The following CRACR2A variants were observed in gnomAD, a reference collection of about 807,000 sequenced individuals.
The protein encoded by CRACR2A is EF-hand calcium-binding domain-containing protein 4B.
In CRACR2A, 79 loss-of-function variants were observed where a neutral mutation model predicts 90.5. That is an observed-to-expected ratio of 0.87 (90% confidence interval 0.73 to 1.05). CRACR2A has a LOEUF of 1.05. Ranked by LOEUF, CRACR2A falls within the 50% of genes least tolerant of loss-of-function variation. The probability of loss-of-function intolerance (pLI) is 0.00; values close to 1 mark genes in which losing one functional copy is unlikely to be tolerated. For missense variants in CRACR2A, 823 were observed against 897.2 expected (o/e 0.92, Z 1.06); for synonymous variants, 338 against 356.7 (o/e 0.95, Z 0.59).
intron 1 of CRACR2A, among the ~76,000 whole-genome samples, chr12:3,747,683 C>A (rs748179946): frequency 6.6e-6 from 1 of 152,192 alleles, no homozygotes. Context: ...TCCCACGTCC[C>A]CTGGTGCTGC....
intron 4 of CRACR2A, among the ~76,000 whole-genome samples, chr12:3,687,372 T>A (rs1945577275): frequency 1.3e-5 from 2 of 152,108 alleles, no homozygotes; most frequent in Admixed American, 6.5e-5. Context: ...CCAGCCCCAG[T>A]GTGTGTTGTC....
At chr12:3,733,985 T>TTTTTTTTTTTGAGATGGAGTCTCGC (rs1397815076) in intron 1 of CRACR2A, among the ~76,000 whole-genome samples, 1 of 147,532 alleles carries the variant, frequency 6.8e-6, no homozygotes, top group Non-Finnish European at 1.5e-5. Context: ...TTTTTTTTTT[T>TTTTTTTTTTTGAGATGGAGTCTCGC]TTTGAGATGG....
At chr12:3,651,035 A>C (rs570750199) in intron 10 of CRACR2A, among the ~76,000 whole-genome samples, 18 of 152,348 alleles carry the variant, frequency 1.2e-4, no homozygotes, top group Admixed American at 9.8e-4. Flanking sequence ...TCTAACCTAG[A>C]GGTTCTAAAA....
Position 3,680,259 on chromosome 12 carries a change from G to A in CRACR2A, c.319C>T (p.Gln107Ter), listed in dbSNP as rs756488167. The A allele has an allele frequency of 3.1e-6, 5 of 1,614,138 alleles. No individual in the cohort carries two copies. Among genetic ancestry groups the A allele is most frequent in the Non-Finnish European group, 4.2e-6 (5 of 1,179,976 alleles). Residue 107 changes from glutamine to a stop codon, truncating the protein, a stop_gained, in exon 5 of 20, where the codon CAG becomes TAG. Coordinates refer to ENST00000440314, the MANE Select transcript of CRACR2A (RefSeq NM_001144958.2). LOFTEE classifies it high-confidence loss of function. ...TTACTAAATCCAGTAGTGAACTCCT[G>A]TGGGGTCAGATAGCCATTGCCATCA... ...DADGNGYLTP[Q>*]EFTTGFSHFF...
chr12:3,720,823 C>T (rs1027927197), intron 2 of CRACR2A, among the ~76,000 whole-genome samples: 2 of 152,196 alleles, frequency 1.3e-5, no homozygotes, highest in African/African-American at 2.4e-5. Flanking sequence ...CCAGGTGAAA[C>T]GCCAACATTA....
intron 9 of CRACR2A, among the ~76,000 whole-genome samples, chr12:3,655,515 G>A (rs893662771): frequency 2.0e-5 from 3 of 152,206 alleles, no homozygotes; most frequent in African/African-American, 7.2e-5. Flanking sequence ...ATGTGTCTTG[G>A]TCTGTCCAGA....
rs149739722 is a variant in CRACR2A, at chr12:3,642,133, A to C, written c.1165-295T>G. Among the ~76,000 whole-genome samples the C allele has an allele frequency of 3.1e-3, 470 of 152,316 alleles. 2 individuals carry two copies. The highest frequency in any genetic ancestry group is 0.011 in the African/African-American group (441 of 41,564). On this transcript the variant is annotated intron_variant, in intron 12 of 19. Transcript: ENST00000440314. ...ACTGATGATTTGTAAAAGGAAAAGA[A>C]GAGATAAGTGTTTAATGCATATTTT...
rs58293233 is a variant in CRACR2A at position 3,660,829 on chromosome 12, AACACACACACACACACACACAC to A, written c.672-1197_672-1176del. On this transcript the variant is annotated intron_variant, in intron 7 of 19. Transcript: ENST00000440314. ...CTATCAAGGCCTGTTCTGAACATGC[AACACACACACACACACACACAC>A]ACACACACACACACACACACACACA... 2.1e-3 allele frequency among the ~76,000 whole-genome samples: 248 copies of A among 119,712 alleles called. 1 individual carries two copies. Among genetic ancestry groups the A allele is most frequent in the African/African-American group, 6.8e-3 (203 of 29,998 alleles). 78.5% of individuals were successfully genotyped at this position (119,712 alleles called of 152,430 possible).
chr12:3,638,208 C>T lies in CRACR2A; in HGVS notation c.1518G>A (p.Gln506=), dbSNP rs1288313956. The T allele has an allele frequency of 2.6e-6, 4 of 1,551,672 alleles. No homozygotes were observed. Among genetic ancestry groups the T allele is most frequent in the Non-Finnish European group, 3.5e-6 (4 of 1,146,976 alleles). The change falls in exon 14 of 20, where the codon CAG becomes CAA. Residue 506 remains glutamine (Q), a synonymous_variant. Coordinates refer to ENST00000440314, the MANE Select transcript of CRACR2A (RefSeq NM_001144958.2). ...AGGGTGGGGCCTCCGGGATTTGTCC[C>T]TGTACCCCCTGGTCAGAGACCTCTT... ...EEEEVSDQGV[Q]GQIPEAPPLK...
At chr12:3,725,189 G>A (rs1223078476) in intron 2 of CRACR2A, among the ~76,000 whole-genome samples, 1 of 152,008 alleles carries the variant, frequency 6.6e-6, no homozygotes, top group African/African-American at 2.4e-5. Context: ...CACCCGTTAG[G>A]CAGGGTTTTA....
chr12:3,661,451 T>C (rs7969330), intron 7 of CRACR2A, among the ~76,000 whole-genome samples: 134,357 of 152,190 alleles, frequency 0.88, 59,566 homozygotes, highest in East Asian at 1. Flanking sequence ...CTCCACAAGC[T>C]GGGACCCCGT....
At chr12:3,628,575 T>G (rs1222166090) in intron 15 of CRACR2A, among the ~76,000 whole-genome samples, 1 of 152,190 alleles carries the variant, frequency 6.6e-6, no homozygotes. Context: ...AAGTGCATTC[T>G]GCATCCCACA....
At chr12:3,685,056 T>C (rs1945527716) in intron 4 of CRACR2A, among the ~76,000 whole-genome samples, 1 of 152,194 alleles carries the variant, frequency 6.6e-6, no homozygotes, top group Non-Finnish European at 1.5e-5. Context: ...CATCCACTCA[T>C]TCCCTCCGGA....
At chr12:3,677,639 T>A (rs1945359756) in intron 6 of CRACR2A, among the ~76,000 whole-genome samples, 1 of 152,216 alleles carries the variant, frequency 6.6e-6, no homozygotes, top group Admixed American at 6.5e-5. Flanking sequence ...GTCTCTGTGC[T>A]CTGGCCTGTT....
rs1210294609 is a variant in CRACR2A at position 3,746,787 on chromosome 12, C to T, written c.-387+6228G>A. Among the ~76,000 whole-genome samples the T allele has an allele frequency of 6.6e-6, 1 of 152,182 alleles. No homozygotes were observed. The highest frequency in any genetic ancestry group is 2.4e-5 in the African/African-American group (1 of 41,434). ...GGAGAATTTCAATCCAAGACAAGCA[C>T]AACAAGTTGTGAAGGACCAACAAGG... is the stretch of plus-strand genomic sequence containing the variant. On this transcript the variant is annotated intron_variant, in intron 1 of 19. Transcript: ENST00000440314. The surrounding 1 kb of genome is among the most constrained non-coding windows in gnomAD (Gnocchi z 4.4).
chr12:3,653,522 C>T (rs915911315), intron 10 of CRACR2A, among the ~76,000 whole-genome samples: 15 of 152,218 alleles, frequency 9.9e-5, no homozygotes, highest in African/African-American at 3.6e-4. Context: ...TTCAGGGACT[C>T]CTCCAGCTTA....
intron 4 of CRACR2A, among the ~76,000 whole-genome samples, chr12:3,689,228 T>A (rs372520536): frequency 6.6e-6 from 1 of 152,214 alleles, no homozygotes; most frequent in African/African-American, 2.4e-5. Context: ...TCCTATAGTA[T>A]GTTGAATAGG....
intron 19 of CRACR2A, among the ~76,000 whole-genome samples, chr12:3,615,897 G>T (rs1300988444): frequency 6.6e-6 from 1 of 152,244 alleles, no homozygotes; most frequent in South Asian, 2.1e-4. Context: ...ATATACTGAT[G>T]GGTCGTAACC....
chr12:3,669,730 G>A (rs1945207962), intron 7 of CRACR2A, among the ~76,000 whole-genome samples: 1 of 152,158 alleles, frequency 6.6e-6, no homozygotes, highest in Non-Finnish European at 1.5e-5. Flanking sequence ...CACCTCAGTT[G>A]CCACGTCCTC....
Sources: allele counts gnomAD v4.1 joint callset (sites outside exome capture counted in the v4.1 genomes callset), GRCh38; gene constraint gnomAD v4.1.1; non-coding constraint Gnocchi (gnomAD v3.1); transcripts MANE v1.5; gene names NCBI Gene and HGNC (gene_info 2026-07-23, HGNC 2026-07-21).